CC2D1B: variants seen among roughly 807,000 people sequenced by gnomAD.
CC2D1B encodes the protein coiled-coil and C2 domain containing 1B.
CC2D1B carries 92 observed loss-of-function variants against 110.8 expected under a neutral mutation model. The ratio of observed to expected loss-of-function variants is 0.83; its 90% CI spans 0.70 to 0.99. CC2D1B has a LOEUF of 0.99. Ranked by LOEUF, CC2D1B falls within the 50% of genes least tolerant of loss-of-function variation. CC2D1B has a pLI of 0.00. For synonymous variants in CC2D1B, 406 were observed against 429.2 expected (o/e 0.95, Z 0.67); for missense variants, 1,136 against 1,089.0 (o/e 1.04, Z -0.61).
At chr1:52,363,359 C>T (rs555353950) in intron 2 of CC2D1B, among the ~76,000 whole-genome samples, 2 of 146,934 alleles carry the variant, frequency 1.4e-5, no homozygotes, top group African/African-American at 5.0e-5. Flanking sequence ...GGCGCCACTG[C>T]ACTCCAGCCT....
chr1:52,356,242 A>T lies in CC2D1B; in HGVS notation c.1998T>A (p.Ala666=). Residue 666 remains alanine (A), a synonymous_variant, in exon 18 of 25, where the codon GCT becomes GCA. Coordinates refer to ENST00000284376, the MANE Select transcript of CC2D1B (RefSeq NM_001330585.2). ...GGTGGGTGGGAGGGTCGAGGCCCTG[A>T]GCCTGGGCCAGCTGCAGGATCTCCA... The part of the protein sequence containing the change: ...KQLEILQLAQ[A]QGLDPPTHHF... The T allele has an allele frequency of 6.2e-7, 1 of 1,614,166 alleles. No individual in the cohort carries two copies. The highest frequency in any genetic ancestry group is 8.5e-7 in the Non-Finnish European group (1 of 1,180,034).
chr1:52,361,490 G>A, intron 4 of CC2D1B, 23 bp downstream of exon 4: 1 of 1,613,392 alleles, frequency 6.2e-7, no homozygotes, highest in Non-Finnish European at 8.5e-7. Flanking sequence ...CAGAGCCCTG[G>A]GATACCAGCC....
At chr1:52,362,303 C>A (rs1646797566) in intron 3 of CC2D1B, among the ~76,000 whole-genome samples, 1 of 152,214 alleles carries the variant, frequency 6.6e-6, no homozygotes, top group Non-Finnish European at 1.5e-5. Context: ...TTCCTATGTA[C>A]CCAGTTCAGT....
intron 3 of CC2D1B, among the ~76,000 whole-genome samples, chr1:52,362,359 C>G (rs1220796216): frequency 6.6e-6 from 1 of 152,214 alleles, no homozygotes; most frequent in Non-Finnish European, 1.5e-5. Flanking sequence ...GTGGCTAGGG[C>G]TAAGGATGGG....
Position 52,360,992 on chromosome 1 carries a change from A to G in CC2D1B, c.459T>C (p.Ala153=), listed in dbSNP as rs1312113671. Residue 153 remains alanine (A), a synonymous_variant, in exon 5 of 25, where the codon GCT becomes GCC. Coordinates refer to ENST00000284376, the MANE Select transcript of CC2D1B (RefSeq NM_001330585.2). ...AACCCACCTGAGCTGCTGGGGCTGAAGCTGTCAGGACGGCTGTCTGCACTG... is the reference window on the plus strand; with the variant it reads ...AACCCACCTGAGCTGCTGGGGCTGAGGCTGTCAGGACGGCTGTCTGCACTG... ...EPPVQTAVLT[A]SAPAAQAGAS... The G allele has an allele frequency of 2.5e-6, 4 of 1,613,988 alleles. No homozygotes were observed. The African/African-American group carries it at 5.3e-5, about 22-fold the overall frequency.
intron 13 of CC2D1B, 144 bp from the exon 14 acceptor site, chr1:52,358,042 G>A (rs968231734): frequency 7.9e-7 from 1 of 1,265,706 alleles, no homozygotes; most frequent in Non-Finnish European, 1.1e-6. Flanking sequence ...GGTCCTAAAA[G>A]ATCTGAGAGC....
At chr1:52,361,439 C>T in intron 4 of CC2D1B, 74 bp downstream of exon 4, 1 of 1,598,906 alleles carries the variant, frequency 6.3e-7, no homozygotes, top group African/African-American at 1.3e-5. Flanking sequence ...CCCCCAGCCT[C>T]CTCTCCACTG....
At chr1:52,358,255 A>G in intron 13 of CC2D1B, 76 bp downstream of exon 13, 1 of 1,546,558 alleles carries the variant, frequency 6.5e-7, no homozygotes, top group Non-Finnish European at 8.8e-7. Flanking sequence ...GCTTGTTAGT[A>G]TGGACAACAG....
Position 52,359,788 on chromosome 1 carries a change from GT to G in CC2D1B, c.858del (p.Gln287ArgfsTer17). ...AGGGCAGCCACTTTGTACTCTCTCT[GT>G]CGGGATGACAGCAGGGCCCGCGGGT... Reference protein sequence around the residue: ...DPDPRALLSSRQREYKVAALS... With the variant: ...DPDPRALLSSXQREYKVAALS... On this transcript the variant is annotated frameshift_variant, in exon 8 of 25. Transcript: ENST00000284376. LOFTEE classifies it high-confidence loss of function. The G allele has an allele frequency of 3.1e-6, 5 of 1,611,514 alleles. No individual in the cohort carries two copies. The highest frequency in any genetic ancestry group is 4.2e-6 in the Non-Finnish European group (5 of 1,178,922).
In CC2D1B at chr1:52,353,521, A is replaced by C; in HGVS notation, c.2557T>G (p.Ter853GlyextTer101). The C allele has an allele frequency of 6.2e-7, 1 of 1,611,426 alleles. No homozygotes were observed. The highest frequency in any genetic ancestry group is 2.2e-5 in the East Asian group (1 of 44,868). The change falls in exon 24 of 25, where the codon TGA (stop) becomes GGA (glycine). Residue 853 changes from the stop codon to glycine, a stop_lost. Coordinates refer to ENST00000284376, the MANE Select transcript of CC2D1B (RefSeq NM_001330585.2). Reference protein sequence around the residue: ...NWLVLEPRGL* With the variant: ...NWLVLEPRGLG Reference sequence around the variant, plus strand: ...GAAGGCCCAGAGAGCTGCCCACCTCACAAGCCCCTGGGCTCCAGAACCAGC... The same window carrying C: ...GAAGGCCCAGAGAGCTGCCCACCTCCCAAGCCCCTGGGCTCCAGAACCAGC...
At chr1:52,356,903 G>C in intron 16 of CC2D1B, 98 bp downstream of exon 16, 1 of 1,377,334 alleles carries the variant, frequency 7.3e-7, no homozygotes, top group Non-Finnish European at 9.7e-7. Flanking sequence ...GAAGAGCTGA[G>C]AATTTTGAGT....
At chr1:52,355,740 C>T (rs371310320) in intron 19 of CC2D1B, 31 bp downstream of exon 19, 1 of 1,613,612 alleles carries the variant, frequency 6.2e-7, no homozygotes, top group African/African-American at 1.3e-5. Context: ...CGGGCAAGAG[C>T]CTCCTGGAGT....
In CC2D1B at chr1:52,361,605, T is replaced by C. The variant is rs145099715; in HGVS notation, c.226A>G (p.Met76Val). 1.9e-6 allele frequency: 3 copies of C among 1,613,728 alleles called. No individual in the cohort carries two copies. Among genetic ancestry groups the C allele is most frequent in the South Asian group, 1.1e-5 (1 of 91,076 alleles). The stretch of plus-strand genomic sequence containing the variant: ...GCCGCCAACTTCTCGATGTGGGCCA[T>C]GGGCAGGGGGGCTGGGGGAAAAAGG... Reference protein sequence around the residue: ...PAPKGQAPLPMAHIEKLAADC... With the variant: ...PAPKGQAPLPVAHIEKLAADC... Residue 76 changes from methionine to valine, a missense_variant, in exon 4 of 25, where the codon ATG becomes GTG. By Grantham distance (21) the Met-to-Val change is conservative. Transcript: ENST00000284376.
rs1478654964 is a variant in CC2D1B, at chr1:52,351,300, A to T, written c.*1925T>A. 6.6e-6 allele frequency: 1 copy of T among 152,210 alleles called. No individual in the cohort carries two copies. The highest frequency in any genetic ancestry group is 1.5e-5 in the Non-Finnish European group (1 of 68,030). 9.4% of individuals were successfully genotyped at this position (152,210 alleles called of 1,614,324 possible). ...TATAGAAAACTTTCTATCTATCGAA[A>T]TAGGCCATTTCCAACAGAGGCCTGA... On this transcript the variant is annotated 3_prime_UTR_variant, in exon 25 of 25. Coordinates refer to ENST00000284376, the MANE Select transcript of CC2D1B (RefSeq NM_001330585.2).
chr1:52,360,768 C>G (rs906272758), intron 5 of CC2D1B: 2 of 893,810 alleles, frequency 2.2e-6, no homozygotes, highest in African/African-American at 3.4e-5. Flanking sequence ...ATATGGCTCC[C>G]GGGGGGTAGT....
chr1:52,363,183 A>G (rs1443614918), intron 2 of CC2D1B, among the ~76,000 whole-genome samples: 1 of 152,020 alleles, frequency 6.6e-6, no homozygotes, highest in African/African-American at 2.4e-5. Context: ...TCACGAGGTC[A>G]GGAGATGGAG....
chr1:52,355,965 T>C (rs1253110848), intron 18 of CC2D1B, 121 bp from the exon 19 acceptor site: 1 of 1,044,912 alleles, frequency 9.6e-7, no homozygotes, highest in Non-Finnish European at 1.5e-6. Flanking sequence ...AGAGCTGGTA[T>C]GCAGACCTTG....
At chr1:52,357,975 CT>C (rs1646692109) in intron 13 of CC2D1B, 77 bp from the exon 14 acceptor site, 2 of 1,508,896 alleles carry the variant, frequency 1.3e-6, no homozygotes, top group South Asian at 2.7e-5. Context: ...CTTGGGCTGT[CT>C]TCCTAACACT....
chr1:52,360,996 G>T lies in CC2D1B; in HGVS notation c.455C>A (p.Thr152Lys). Reference protein sequence around the residue: ...TEPPVQTAVLTASAPAAQAGA... With the variant: ...TEPPVQTAVLKASAPAAQAGA... ...CACCTGAGCTGCTGGGGCTGAAGCT[G>T]TCAGGACGGCTGTCTGCACTGGAGG... The change falls in exon 5 of 25, where the codon ACA (threonine) becomes AAA (lysine). Residue 152 changes from threonine (T) to lysine (K), a missense_variant. Thr to Lys is a moderately conservative substitution (Grantham distance 78, BLOSUM62 -1). Transcript: ENST00000284376. 1.2e-6 allele frequency: 2 copies of T among 1,614,152 alleles called. No homozygotes were observed. The highest frequency in any genetic ancestry group is 1.7e-6 in the Non-Finnish European group (2 of 1,180,012).
Sources: gnomAD v4.1 joint callset for allele counts (sites outside exome capture counted in the v4.1 genomes callset) on GRCh38, gnomAD v4.1.1 for gene constraint, MANE v1.5 for transcripts, NCBI Gene and HGNC (gene_info 2026-07-23, HGNC 2026-07-21) for gene names.